Variants in KLRG2 observed in about 807,000 individuals in gnomAD.
KLRG2 encodes killer cell lectin-like receptor subfamily G member 2.
KLRG2 carries 39 observed loss-of-function variants against 35.4 expected under a neutral mutation model. The observed-to-expected ratio is 1.10, with a 90% confidence interval of 0.85 to 1.44. KLRG2 has a LOEUF of 1.44. Among genes scored for constraint, KLRG2 ranks in the 40% most tolerant of loss-of-function variants. The pLI is 0.00. For synonymous variants in KLRG2, 283 were observed against 265.8 expected (o/e 1.06, Z -0.63); for missense variants, 632 against 570.9 (o/e 1.11, Z -1.09).
chr7:139,476,220 T>C (rs547136956), intron 3 of KLRG2, among the ~76,000 whole-genome samples: 1 of 152,084 alleles, frequency 6.6e-6, no homozygotes, highest in East Asian at 1.9e-4. Context: ...CTGGGCAAGG[T>C]GGCAAAACTC....
intron 3 of KLRG2, among the ~76,000 whole-genome samples, chr7:139,459,398 A>T (rs1361126142): frequency 6.6e-6 from 1 of 152,192 alleles, no homozygotes. Context: ...CAACAATATG[A>T]TCCCCGCCCT....
At chr7:139,437,323 G>A in the KLRG2 span, among the ~76,000 whole-genome samples, 1 of 151,256 alleles carries the variant, frequency 6.6e-6, no homozygotes, top group South Asian at 2.1e-4. Flanking sequence ...TACTCGGGAG[G>A]CTGAGATGGG....
At chr7:139,477,496 C>G (rs980145851) in intron 3 of KLRG2, among the ~76,000 whole-genome samples, 1 of 151,998 alleles carries the variant, frequency 6.6e-6, no homozygotes, top group Admixed American at 6.6e-5. Flanking sequence ...AAATACTGTG[C>G]GATTCCACTT....
downstream of KLRG2, among the ~76,000 whole-genome samples, chr7:139,449,693 CTT>C (rs547906496): frequency 1.9e-4 from 19 of 101,570 alleles, no homozygotes; most frequent in African/African-American, 6.1e-4. Context: ...TATCCTTATT[CTT>C]TTTTTTTTTT....
At chr7:139,447,721 T>G (rs1252521687), downstream of KLRG2, among the ~76,000 whole-genome samples, 1 of 151,988 alleles carries the variant, frequency 6.6e-6, no homozygotes, top group Non-Finnish European at 1.5e-5. Flanking sequence ...TGGGCCATTC[T>G]TGTCACACCC....
At chr7:139,430,744 C>T in the KLRG2 span, among the ~76,000 whole-genome samples, 3 of 151,858 alleles carry the variant, frequency 2.0e-5, no homozygotes, top group African/African-American at 4.8e-5. Context: ...TGTGGTGGCT[C>T]ACCCCTCTAA....
chr7:139,475,836 C>T (rs1028689903), intron 3 of KLRG2, among the ~76,000 whole-genome samples: 1 of 152,060 alleles, frequency 6.6e-6, no homozygotes, highest in African/African-American at 2.4e-5. Flanking sequence ...TGAAGCTGGG[C>T]AGCCTTAGGG....
chr7:139,465,849 C>T (rs977311219), intron 3 of KLRG2, among the ~76,000 whole-genome samples: 23 of 152,208 alleles, frequency 1.5e-4, no homozygotes, highest in Admixed American at 1.2e-3. Flanking sequence ...TCCCTCATGG[C>T]AGTTTTTCTC....
At chr7:139,445,779 A>ATGTGTG in the KLRG2 span, among the ~76,000 whole-genome samples, 1 of 120,296 alleles carries the variant, frequency 8.3e-6, no homozygotes, top group African/African-American at 6.1e-5. Flanking sequence ...ATATATATAT[A>ATGTGTG]TGTATATATA....
the KLRG2 span, among the ~76,000 whole-genome samples, chr7:139,428,910 T>C: frequency 3.3e-5 from 5 of 152,334 alleles, no homozygotes; most frequent in East Asian, 5.8e-4. Context: ...AAAGAGCGGG[T>C]GTAACAAATT....
At chr7:139,473,790 T>A (rs1378476947) in intron 3 of KLRG2, among the ~76,000 whole-genome samples, 1 of 151,824 alleles carries the variant, frequency 6.6e-6, no homozygotes, top group Non-Finnish European at 1.5e-5. Context: ...AAAGATGGCA[T>A]CCATGAAACA....
chr7:139,477,973 T>C (rs182167749), intron 3 of KLRG2, among the ~76,000 whole-genome samples: 2,094 of 151,870 alleles, frequency 0.014, 54 homozygotes, highest in African/African-American at 0.048. Context: ...TTAGCCAAGA[T>C]GGTCTCGATC....
At chr7:139,461,254 AAGAG>A (rs1004827651) in intron 3 of KLRG2, among the ~76,000 whole-genome samples, 7 of 152,084 alleles carry the variant, frequency 4.6e-5, no homozygotes, top group South Asian at 2.1e-4. Context: ...CTAAAAAAAA[AAGAG>A]AGAGAGAGAA....
chr7:139,480,436 A>G (rs562278579), intron 1 of KLRG2, among the ~76,000 whole-genome samples, 189 bp from the exon 2 acceptor site: 214 of 125,006 alleles, frequency 1.7e-3, no homozygotes, highest in Middle Eastern at 4.5e-3. Context: ...GAAGCCAGAT[A>G]TTCTTTTTTT....
chr7:139,454,772 C>T (rs957394284), intron 3 of KLRG2, among the ~76,000 whole-genome samples: 33 of 150,962 alleles, frequency 2.2e-4, no homozygotes, highest in Admixed American at 1.7e-3. Context: ...GCCGAGATTG[C>T]GCCACTGCAT....
chr7:139,440,244 G>T, the KLRG2 span, among the ~76,000 whole-genome samples: 2 of 151,628 alleles, frequency 1.3e-5, no homozygotes, highest in Non-Finnish European at 2.9e-5. Context: ...TGAGTAGCTG[G>T]AATTATAGGT....
rs958542983 is a variant in KLRG2, at chr7:139,459,345, G to A, written c.1006-5131C>T. ...AATGCTATGTTCATCAGTCTTAAGC[G>A]ATGGGATTCCATAAGTAAGTAATGG... is the stretch of plus-strand genomic sequence containing the variant. On this transcript the variant is annotated intron_variant, in intron 3 of 4. Coordinates refer to ENST00000340940, the MANE Select transcript of KLRG2 (RefSeq NM_198508.4). 5.3e-5 allele frequency among the ~76,000 whole-genome samples: 8 copies of A among 152,318 alleles called. 1 individual carries two copies. The highest frequency in any genetic ancestry group is 1.7e-4 in the African/African-American group (7 of 41,570).
At position 139,454,098 on chromosome 7, in the gene KLRG2, C is replaced by T. The variant is rs963047231; in HGVS notation, c.1109+13G>A. ...GAACAGCAGAGGAGGGAGAAAAGCC[C>T]GTGGTCACTCACAGCTGGGGCGGGA... On this transcript the variant is annotated intron_variant, in intron 4 of 4. Coordinates refer to ENST00000340940, the MANE Select transcript of KLRG2 (RefSeq NM_198508.4). 16 of 1,448,110 alleles carry T rather than the reference C, an allele frequency of 1.1e-5. No homozygotes were observed. The highest frequency in any genetic ancestry group is 2.9e-5 in the African/African-American group (2 of 69,892). 89.7% of individuals were successfully genotyped at this position (1,448,110 alleles called of 1,614,324 possible). A position where few individuals can be genotyped will look rare whatever the true frequency, so the allele number is the denominator to read the frequency against.
chr7:139,428,213 T>G, the KLRG2 span, among the ~76,000 whole-genome samples: 1 of 152,214 alleles, frequency 6.6e-6, no homozygotes, highest in Non-Finnish European at 1.5e-5. Context: ...AAACCGATAG[T>G]TATCCAAATA....
Sources: gnomAD v4.1 joint callset for allele counts (sites outside exome capture counted in the v4.1 genomes callset) on GRCh38, gnomAD v4.1.1 for gene constraint, MANE v1.5 for transcripts, NCBI Gene and HGNC (gene_info 2026-07-23, HGNC 2026-07-21) for gene names.